The following ARID3B variants were observed in gnomAD, a reference collection of about 807,000 sequenced individuals.
The protein encoded by ARID3B is AT-rich interaction domain 3B, also known as AT-rich interactive domain-containing protein 3B.
In ARID3B, 10 loss-of-function variants were observed where a neutral mutation model predicts 51.9. The observed-to-expected ratio is 0.19, with a 90% CI of 0.12 to 0.33. The LOEUF (loss-of-function observed/expected upper bound fraction) is 0.33. ARID3B is among the 10% of genes least tolerant of loss of function. The pLI is 1.00. For synonymous variants in ARID3B, 205 were observed against 279.5 expected, an observed-to-expected ratio of 0.73 and a Z score of 2.66; for missense variants, 483 against 716.3, an observed-to-expected ratio of 0.67 and a Z score of 3.72.
intron 2 of ARID3B, among the ~76,000 whole-genome samples, chr15:74,550,780 T>G (rs759419122): frequency 4.6e-5 from 7 of 152,130 alleles, no homozygotes; most frequent in Non-Finnish European, 8.8e-5. Context: ...ACAAGCGTTC[T>G]AATCTGCCTC....
Position 74,580,302 on chromosome 15 carries a change from T to C in ARID3B, c.697+7098T>C, listed in dbSNP as rs979693491. ...TGGTTTCTGAAATACCATTCCCTCA[T>C]AGATTTTCCATTTAGTCTTTCAGTG... On this transcript the variant is annotated intron_variant, in intron 4 of 8. Transcript: ENST00000346246. 2.0e-5 allele frequency among the ~76,000 whole-genome samples: 3 copies of C among 152,234 alleles called. No homozygotes were observed. The South Asian group carries it at 6.2e-4, about 31-fold the overall frequency.
intron 2 of ARID3B, among the ~76,000 whole-genome samples, chr15:74,552,056 C>CTTTTTTTTTTTTTTTTT (rs869096001): frequency 5.8e-5 from 6 of 102,610 alleles, no homozygotes; most frequent in Admixed American, 1.2e-4. Flanking sequence ...TCTTTCTTTC[C>CTTTTTTTTTTTTTTTTT]TTTTTTTTTT....
chr15:74,591,890 C>T lies in ARID3B; in HGVS notation c.1420+76C>T, dbSNP rs1471865254. The stretch of plus-strand genomic sequence containing the variant: ...TTCACGCCTCCTGGGACTGGTGGGG[C>T]AGGGGTGGTGAGGCACATACTCCTG... On this transcript the variant is annotated intron_variant, in intron 7 of 8. Transcript: ENST00000346246. This position sits in a 1 kb window ranked among gnomAD's most constrained non-coding sequence, Gnocchi z 5.8. 3.2e-6 allele frequency: 5 copies of T among 1,559,896 alleles called. No individual in the cohort carries two copies. The East Asian group carries it at 1.1e-4, about 35-fold the overall frequency.
intron 2 of ARID3B, among the ~76,000 whole-genome samples, chr15:74,559,216 T>C (rs149862926): frequency 1.5e-4 from 23 of 152,340 alleles, no homozygotes; most frequent in African/African-American, 5.3e-4. Flanking sequence ...GCCCTTCAGC[T>C]TTGCCACTTG....
At chr15:74,549,826 T>C (rs2061629715) in intron 2 of ARID3B, among the ~76,000 whole-genome samples, 1 of 152,178 alleles carries the variant, frequency 6.6e-6, no homozygotes, top group African/African-American at 2.4e-5. Flanking sequence ...TTGATTGCCA[T>C]GACTGGAGTA....
intron 4 of ARID3B, among the ~76,000 whole-genome samples, chr15:74,582,844 A>T (rs1284310603): frequency 6.6e-6 from 1 of 152,204 alleles, no homozygotes; most frequent in Non-Finnish European, 1.5e-5. Context: ...CATCAGTAGT[A>T]GAATGGATAA....
intron 2 of ARID3B, among the ~76,000 whole-genome samples, chr15:74,568,061 G>A (rs1029461899): frequency 7.9e-5 from 12 of 152,184 alleles, no homozygotes; most frequent in Admixed American, 3.3e-4. Context: ...TCTGGGGGAA[G>A]ATGGGCCCAT....
At chr15:74,593,563 T>C (rs966918777) in intron 8 of ARID3B, among the ~76,000 whole-genome samples, 1 of 152,126 alleles carries the variant, frequency 6.6e-6, no homozygotes, top group African/African-American at 2.4e-5. Flanking sequence ...GTAATTCAGC[T>C]CTTCTCTTCC....
chr15:74,593,293 C>A, intron 8 of ARID3B, 57 bp downstream of exon 8: 2 of 1,519,910 alleles, frequency 1.3e-6, no homozygotes, highest in Non-Finnish European at 9.0e-7. Context: ...CACAGGGCAG[C>A]TCTGCGGCTG....
At chr15:74,559,638 A>G (rs1179666405) in intron 2 of ARID3B, among the ~76,000 whole-genome samples, 1 of 152,182 alleles carries the variant, frequency 6.6e-6, no homozygotes, top group Non-Finnish European at 1.5e-5. Flanking sequence ...TTCTAGCTCC[A>G]TATTCCCTCT....
At chr15:74,580,683 C>T (rs933426359) in intron 4 of ARID3B, among the ~76,000 whole-genome samples, 7 of 152,172 alleles carry the variant, frequency 4.6e-5, no homozygotes, top group African/African-American at 1.2e-4. Flanking sequence ...ACTTAGCACG[C>T]GGTCTCCTAA....
At chr15:74,584,079 C>T (rs536161127) in intron 4 of ARID3B, among the ~76,000 whole-genome samples, 1 of 152,230 alleles carries the variant, frequency 6.6e-6, no homozygotes, top group South Asian at 2.1e-4. Flanking sequence ...GGTACATGTG[C>T]AGGTTTTTTA....
chr15:74,588,669 C>T (rs915818119), intron 4 of ARID3B, among the ~76,000 whole-genome samples: 2 of 152,192 alleles, frequency 1.3e-5, no homozygotes, highest in African/African-American at 4.8e-5. Context: ...TCCATCACGC[C>T]TCCTGATGAG....
intron 2 of ARID3B, among the ~76,000 whole-genome samples, chr15:74,567,015 A>T (rs904465413): frequency 2.0e-5 from 3 of 150,266 alleles, no homozygotes; most frequent in Non-Finnish European, 3.0e-5. Flanking sequence ...TGTTTCTGTT[A>T]TTTTTTTTTT....
At chr15:74,593,365 G>C in intron 8 of ARID3B, 129 bp downstream of exon 8, 3 of 800,122 alleles carry the variant, frequency 3.7e-6, no homozygotes, top group Middle Eastern at 2.3e-4. Flanking sequence ...CCTGGTCTCA[G>C]AGTTGCAAAG....
rs2061805314 is a variant in ARID3B at position 74,591,888 on chromosome 15, G to A, written c.1420+74G>A. 1 of 1,560,812 alleles carries A rather than the reference G, an allele frequency of 6.4e-7. No individual in the cohort carries two copies. The highest frequency in any genetic ancestry group is 8.7e-7 in the Non-Finnish European group (1 of 1,150,664). ...CATTCACGCCTCCTGGGACTGGTGG[G>A]GCAGGGGTGGTGAGGCACATACTCC... is the stretch of plus-strand genomic sequence containing the variant. On this transcript the variant is annotated intron_variant, in intron 7 of 8. Transcript: ENST00000346246. This position sits in a 1 kb window ranked among gnomAD's most constrained non-coding sequence, Gnocchi z 5.8.
intron 8 of ARID3B, 55 bp downstream of exon 8, chr15:74,593,291 A>C (rs768953114): frequency 1.3e-6 from 2 of 1,519,290 alleles, no homozygotes; most frequent in Non-Finnish European, 1.8e-6. Flanking sequence ...GCCACAGGGC[A>C]GCTCTGCGGC....
intron 2 of ARID3B, among the ~76,000 whole-genome samples, chr15:74,561,308 T>A (rs2061678888): frequency 6.6e-6 from 1 of 152,230 alleles, no homozygotes; most frequent in Non-Finnish European, 1.5e-5. Flanking sequence ...ATGAATAGAA[T>A]GAATAGGAAT....
At chr15:74,587,364 G>A (rs1210225910) in intron 4 of ARID3B, among the ~76,000 whole-genome samples, 2 of 152,192 alleles carry the variant, frequency 1.3e-5, no homozygotes, top group African/African-American at 4.8e-5. Context: ...CACCCTGAAA[G>A]TGGGTGATAG....
Sources: gnomAD v4.1 joint callset for allele counts (sites outside exome capture counted in the v4.1 genomes callset) on GRCh38, gnomAD v4.1.1 for gene constraint, Gnocchi (gnomAD v3.1) non-coding constraint, MANE v1.5 for transcripts, NCBI Gene and HGNC (gene_info 2026-07-23, HGNC 2026-07-21) for gene names.